ANKH: variants seen among roughly 807,000 people sequenced by gnomAD.
The protein encoded by ANKH is ANKH inorganic pyrophosphate transport regulator.
In ANKH, 15 loss-of-function variants were observed where a neutral mutation model predicts 49.0. That is an observed-to-expected ratio of 0.31 (90% CI 0.20 to 0.47). The LOEUF is 0.47. Ranked by LOEUF, ANKH falls within the 20% of genes least tolerant of loss-of-function variation. The probability of loss-of-function intolerance (pLI) is 1.00; values close to 1 mark genes in which losing one functional copy is unlikely to be tolerated. For missense variants in ANKH, 429 were observed against 652.0 expected (o/e 0.66, Z 3.72); for synonymous variants, 273 against 260.0 (o/e 1.05, Z -0.48).
intron 1 of ANKH, among the ~76,000 whole-genome samples, chr5:14,819,678 C>CA (rs2126584662): frequency 6.6e-6 from 1 of 152,132 alleles, no homozygotes; most frequent in African/African-American, 2.4e-5. Context: ...CCAGCCTGGG[C>CA]AACAAGGCAA....
chr5:14,711,913 A>G (rs1023623922), intron 11 of ANKH, among the ~76,000 whole-genome samples: 2 of 152,072 alleles, frequency 1.3e-5, no homozygotes, highest in Non-Finnish European at 2.9e-5. Context: ...CGACACACCA[A>G]CAGGCCAAGG....
At chr5:14,748,041 G>A (rs1738594965) in intron 6 of ANKH, among the ~76,000 whole-genome samples, 1 of 152,158 alleles carries the variant, frequency 6.6e-6, no homozygotes, top group South Asian at 2.1e-4. Flanking sequence ...GTTCCTATAT[G>A]CCATCGAGAG....
Position 14,728,620 on chromosome 5 carries a change from T to A in ANKH, c.1012-11785A>T, listed in dbSNP as rs537768621. Among the ~76,000 whole-genome samples, 45 of 152,272 alleles carry A rather than the reference T, an allele frequency of 3.0e-4. No individual in the cohort carries two copies. The South Asian group carries it at 4.6e-3, about 15-fold the overall frequency. ...GGTCAGCATGGTGCCACCGCTGGAA[T>A]ATGGCCTTTAGCATCCGCCCAAGAG... On this transcript the variant is annotated intron_variant, in intron 8 of 11. Transcript: ENST00000284268.
intron 1 of ANKH, among the ~76,000 whole-genome samples, chr5:14,816,002 C>T (rs574722211): frequency 5.3e-5 from 8 of 152,234 alleles, no homozygotes; most frequent in East Asian, 3.9e-4. Flanking sequence ...CTAGATTGTC[C>T]GATCCTGGTT....
At position 14,798,192 on chromosome 5, in the gene ANKH, G is replaced by A. The variant is rs1740451639; in HGVS notation, c.97-29001C>T. The A allele has an allele frequency of 6.9e-6, 11 of 1,584,110 alleles. No individual in the cohort carries two copies. The South Asian group carries it at 1.1e-4, about 16-fold the overall frequency. ...ATGGTTTTGTTCATCCGATGTGTGT[G>A]TCCCCAGGACAAGTCGATGAAGGCT... On this transcript the variant is annotated intron_variant, in intron 1 of 11. Coordinates refer to ENST00000284268, the MANE Select transcript of ANKH (RefSeq NM_054027.6).
At chr5:14,810,320 C>G (rs1407174914) in intron 1 of ANKH, among the ~76,000 whole-genome samples, 1 of 151,950 alleles carries the variant, frequency 6.6e-6, no homozygotes, top group Non-Finnish European at 1.5e-5. Flanking sequence ...ACCAGGCCAG[C>G]TAATTTTTCT....
chr5:14,854,741 C>T (rs1188565886), intron 1 of ANKH, among the ~76,000 whole-genome samples: 3 of 152,048 alleles, frequency 2.0e-5, no homozygotes, highest in Admixed American at 2.0e-4. Context: ...CCCAGCCTCT[C>T]CCACCCCATC....
At chr5:14,741,535 GA>G (rs772109468) in intron 8 of ANKH, 3 of 311,540 alleles carry the variant, frequency 9.6e-6, no homozygotes, top group Non-Finnish European at 1.8e-5. Flanking sequence ...AAGTGGGCTA[GA>G]AATTTTTCAG....
At chr5:14,859,262 C>T (rs1270972129) in intron 1 of ANKH, among the ~76,000 whole-genome samples, 1 of 152,178 alleles carries the variant, frequency 6.6e-6, no homozygotes, top group African/African-American at 2.4e-5. Flanking sequence ...TGCAATCAAC[C>T]ATAAGACAGT....
intron 1 of ANKH, among the ~76,000 whole-genome samples, chr5:14,786,567 A>G (rs957210294): frequency 6.6e-6 from 1 of 152,246 alleles, no homozygotes; most frequent in African/African-American, 2.4e-5. Context: ...CAATGCTCAC[A>G]GGGCACAGAC....
chr5:14,864,623 G>C (rs1051770720), intron 1 of ANKH, among the ~76,000 whole-genome samples: 3 of 152,132 alleles, frequency 2.0e-5, no homozygotes, highest in African/African-American at 7.2e-5. Flanking sequence ...AATTATGCCA[G>C]GCATAAAGCC....
intron 1 of ANKH, among the ~76,000 whole-genome samples, chr5:14,778,913 T>G (rs1739720199): frequency 6.6e-6 from 1 of 152,192 alleles, no homozygotes; most frequent in Non-Finnish European, 1.5e-5. Flanking sequence ...GCCCCCTGCA[T>G]GCTGTCAGCT....
intron 1 of ANKH, among the ~76,000 whole-genome samples, chr5:14,779,172 A>C (rs1436279557): frequency 6.6e-6 from 1 of 152,144 alleles, no homozygotes; most frequent in Non-Finnish European, 1.5e-5. Flanking sequence ...GGCGGGCCTG[A>C]CCAGGGTGAG....
chr5:14,830,329 A>T (rs908873845), intron 1 of ANKH, among the ~76,000 whole-genome samples: 25 of 152,118 alleles, frequency 1.6e-4, no homozygotes, highest in African/African-American at 5.8e-4. Flanking sequence ...TGCCCAGTAC[A>T]CGCACCCACA....
rs1445692496 is a variant in ANKH, at chr5:14,709,139, C to A, written c.*2058G>T. 1 of 152,200 alleles carries A rather than the reference C, an allele frequency of 6.6e-6. No individual in the cohort carries two copies. Among genetic ancestry groups the A allele is most frequent in the Admixed American group, 6.5e-5 (1 of 15,280 alleles). 9.4% of individuals were successfully genotyped at this position (152,200 alleles called of 1,614,324 possible). On this transcript the variant is annotated 3_prime_UTR_variant, in exon 12 of 12. Transcript: ENST00000284268. ...AAACTCCTGACCTTAAGTGATCCAC[C>A]CTCCTTGGCCTCCCAAAGTGTTGGG...
chr5:14,767,864 ACATGTG>A (rs1349027265), intron 2 of ANKH, among the ~76,000 whole-genome samples: 7 of 152,214 alleles, frequency 4.6e-5, no homozygotes, highest in African/African-American at 1.7e-4. Flanking sequence ...AAATACAAGT[ACATGTG>A]CAAATACTCA....
chr5:14,715,836 T>C (rs1453779114), intron 9 of ANKH, among the ~76,000 whole-genome samples: 2 of 152,264 alleles, frequency 1.3e-5, no homozygotes, highest in African/African-American at 2.4e-5. Context: ...CACACCACTA[T>C]ATTGGCTTGG....
At chr5:14,805,081 G>A (rs1740665383) in intron 1 of ANKH, among the ~76,000 whole-genome samples, 1 of 152,162 alleles carries the variant, frequency 6.6e-6, no homozygotes. Context: ...TGAAAGAGAT[G>A]AACATTTGAG....
At position 14,793,009 on chromosome 5, in the gene ANKH, T is replaced by TATATATATATAA. The variant is rs1211183487; in HGVS notation, c.97-23830_97-23819dup. ...ATATAAAAATATATATATATATAAA[T>TATATATATATAA]ATATATATATAAATATATATATATA... On this transcript the variant is annotated intron_variant, in intron 1 of 11. Coordinates refer to ENST00000284268, the MANE Select transcript of ANKH (RefSeq NM_054027.6). Among the ~76,000 whole-genome samples the TATATATATATAA allele has an allele frequency of 6.4e-4, 27 of 42,514 alleles. 1 individual carries two copies. The highest frequency in any genetic ancestry group is 1.8e-3 in the African/African-American group (24 of 13,094). 27.9% of individuals were successfully genotyped at this position (42,514 alleles called of 152,430 possible). A position where few individuals can be genotyped will look rare whatever the true frequency, so the allele number is the denominator to read the frequency against.
Sources: gnomAD v4.1 joint callset for allele counts (sites outside exome capture counted in the v4.1 genomes callset) on GRCh38, gnomAD v4.1.1 for gene constraint, MANE v1.5 for transcripts, NCBI Gene and HGNC (gene_info 2026-07-23, HGNC 2026-07-21) for gene names.